Variants in COL6A6 observed in about 807,000 individuals in gnomAD.
The protein encoded by COL6A6 is collagen alpha-6(VI) chain.
A neutral mutation model predicts 208.6 loss-of-function variants in COL6A6; 183 were observed. That is an observed-to-expected ratio of 0.88 (90% CI 0.78 to 0.99). The LOEUF (loss-of-function observed/expected upper bound fraction) is 0.99, where lower values mean the gene tolerates loss of function less well. COL6A6 is among the 50% of genes least tolerant of loss of function. The probability of loss-of-function intolerance (pLI) is 0.00; values close to 1 mark genes in which losing one functional copy is unlikely to be tolerated. For missense variants in COL6A6, 2,816 were observed against 2,815.2 expected, an observed-to-expected ratio of 1.00 and a Z score of -0.01; for synonymous variants, 973 against 1,011.8, an observed-to-expected ratio of 0.96 and a Z score of 0.73.
chr3:130,539,289 A>G (rs1379734537), intron 1 of COL6A6, among the ~76,000 whole-genome samples: 1 of 152,216 alleles, frequency 6.6e-6, no homozygotes, highest in Non-Finnish European at 1.5e-5. Context: ...AACAACTAAG[A>G]AGTGTCAGCC....
At chr3:130,582,861 G>A (rs1332586523) in intron 10 of COL6A6, among the ~76,000 whole-genome samples, 1 of 152,088 alleles carries the variant, frequency 6.6e-6, no homozygotes, top group Admixed American at 6.5e-5. Flanking sequence ...CCCCATCCTT[G>A]GGCAGCAGAT....
intron 34 of COL6A6, among the ~76,000 whole-genome samples, chr3:130,661,284 G>C (rs1245164593): frequency 1.3e-5 from 2 of 152,202 alleles, no homozygotes; most frequent in Non-Finnish European, 2.9e-5. Flanking sequence ...AGAGGGATGA[G>C]TCACTGTTAT....
At chr3:130,551,634 T>G (rs1450475178) in intron 1 of COL6A6, among the ~76,000 whole-genome samples, 64 of 148,804 alleles carry the variant, frequency 4.3e-4, no homozygotes, top group Middle Eastern at 3.5e-3. Flanking sequence ...CTTTTGGGTT[T>G]TTTTTTTTTT....
rs750675203 is a variant in COL6A6 at position 130,661,678 on chromosome 3, C to T, written c.5872C>T (p.Pro1958Ser). 8 of 1,613,664 alleles carry T rather than the reference C, an allele frequency of 5.0e-6. No homozygotes were observed. The highest frequency in any genetic ancestry group is 4.0e-5 in the African/African-American group (3 of 74,924). Residue 1958 changes from proline to serine, a missense_variant, in exon 35 of 37, where the codon CCC (proline) becomes TCC (serine). Coordinates refer to ENST00000358511, the MANE Select transcript of COL6A6 (RefSeq NM_001102608.3). ...TGCTTCTTGTGACCAAGCCAGACCA[C>T]CCCCTGTGCAGTCTTACATGGATGC... ...PDASCDQARP[P>S]PVQSYMDAAF...
intron 31 of COL6A6, among the ~76,000 whole-genome samples, chr3:130,643,273 TTGATGTCTGAATTCACCTAATAG>T (rs2065371494): frequency 6.6e-6 from 1 of 152,224 alleles, no homozygotes; most frequent in African/African-American, 2.4e-5. Context: ...AAATTGAGAT[TTGATGTCTGAATTCACCTAATAG>T]TGAAATCAAT....
intron 2 of COL6A6, 76 bp downstream of exon 2, chr3:130,560,504 G>A: frequency 3.8e-6 from 5 of 1,314,550 alleles, no homozygotes; most frequent in Non-Finnish European, 5.3e-6. Context: ...CTATTTAAAA[G>A]TTACAAGTTT....
At chr3:130,616,344 A>G (rs939958044) in intron 23 of COL6A6, among the ~76,000 whole-genome samples, 1 of 152,156 alleles carries the variant, frequency 6.6e-6, no homozygotes, top group Non-Finnish European at 1.5e-5. Flanking sequence ...TCTGTTGACA[A>G]TGTTCTGAAG....
At chr3:130,525,921 G>A (rs968254859) in intron 1 of COL6A6, among the ~76,000 whole-genome samples, 14 of 152,092 alleles carry the variant, frequency 9.2e-5, no homozygotes, top group African/African-American at 2.7e-4. Flanking sequence ...GACTTTCCAA[G>A]TTAATCAGTT....
intron 1 of COL6A6, among the ~76,000 whole-genome samples, chr3:130,543,973 G>C (rs958690731): frequency 2.0e-5 from 3 of 152,012 alleles, no homozygotes; most frequent in Admixed American, 6.6e-5. Flanking sequence ...ATAGTAAAAC[G>C]ATCAGCCAAA....
At position 130,649,117 on chromosome 3, in the gene COL6A6, A is replaced by G; in HGVS notation, c.5288A>G (p.Asp1763Gly). The change falls in exon 33 of 37, where the codon GAC becomes GGC. Residue 1763 changes from aspartate to glycine, a missense_variant. Asp to Gly is a moderately conservative substitution (Grantham distance 94). Transcript: ENST00000358511. ...CCAACCGAGTTGGTGTTTGCCCTGG[A>G]CCACTCCCGGGATGTCACTGAGCAG... Reference protein sequence around the residue: ...VHPTELVFALDHSRDVTEQEF... With the variant: ...VHPTELVFALGHSRDVTEQEF... 6.3e-7 allele frequency: 1 copy of G among 1,578,158 alleles called. No homozygotes were observed. The highest frequency in any genetic ancestry group is 1.2e-5 in the South Asian group (1 of 85,848).
intron 36 of COL6A6, among the ~76,000 whole-genome samples, chr3:130,673,010 C>CAAAAAA (rs57517362): frequency 1.0e-5 from 1 of 96,340 alleles, no homozygotes; most frequent in African/African-American, 4.0e-5. Flanking sequence ...GACACCATCT[C>CAAAAAA]AAAAAAAAAA....
At chr3:130,577,924 T>C (rs2063334061) in intron 8 of COL6A6, among the ~76,000 whole-genome samples, 1 of 152,224 alleles carries the variant, frequency 6.6e-6, no homozygotes. Context: ...TACCAACAAT[T>C]CCTTAGTTTA....
At chr3:130,548,687 G>T (rs556447379) in intron 1 of COL6A6, among the ~76,000 whole-genome samples, 3 of 152,322 alleles carry the variant, frequency 2.0e-5, no homozygotes, top group Non-Finnish European at 4.4e-5. Context: ...GCACCAGGAG[G>T]TAAACTCACA....
intron 28 of COL6A6, among the ~76,000 whole-genome samples, chr3:130,641,240 A>G (rs2065300397): frequency 6.7e-6 from 1 of 148,710 alleles, no homozygotes; most frequent in South Asian, 2.1e-4. Flanking sequence ...AACAAACAGT[A>G]AGGGACTAAC....
At position 130,563,264 on chromosome 3, in the gene COL6A6, G is replaced by A; in HGVS notation, c.261G>A (p.Arg87=). The A allele has an allele frequency of 1.9e-6, 3 of 1,614,004 alleles. No homozygotes were observed. Among genetic ancestry groups the A allele is most frequent in the Non-Finnish European group, 1.7e-6 (2 of 1,179,882 alleles). ...SEFHLSTFKG[R]SPMLNHLRKN... ...TCCACCTGAGCACCTTCAAAGGCAG[G>A]AGCCCCATGCTGAACCACCTAAGGA... The change falls in exon 3 of 37, where the codon AGG becomes AGA. Residue 87 remains arginine, a synonymous_variant. Coordinates refer to ENST00000358511, the MANE Select transcript of COL6A6 (RefSeq NM_001102608.3).
At chr3:130,643,562 AT>A (rs1391731048) in intron 31 of COL6A6, among the ~76,000 whole-genome samples, 4 of 152,216 alleles carry the variant, frequency 2.6e-5, no homozygotes, top group Non-Finnish European at 4.4e-5. Context: ...CTTTCTCAAA[AT>A]TTTAAAATCA....
Position 130,586,617 on chromosome 3 carries a change from C to T in COL6A6, c.4082C>T (p.Ser1361Phe). ...GKGFEYRTQL[S>F]IGMRELGSRL... ...GGATTTGAGTACAGGACACAGCTCT[C>T]TATTGGCATGAGAGAACTTGGAAGC... The change falls in exon 11 of 37, where the codon TCT becomes TTT. Residue 1361 changes from serine (S) to phenylalanine (F), a missense_variant. Transcript: ENST00000358511. 6.2e-7 allele frequency: 1 copy of T among 1,613,598 alleles called. No homozygotes were observed. The highest frequency in any genetic ancestry group is 8.5e-7 in the Non-Finnish European group (1 of 1,179,792).
chr3:130,660,693 G>C (rs2065910500), intron 34 of COL6A6, among the ~76,000 whole-genome samples: 1 of 152,146 alleles, frequency 6.6e-6, no homozygotes, highest in Admixed American at 6.5e-5. Flanking sequence ...ACTTGGCTAG[G>C]GGCACACAGC....
chr3:130,671,535 T>C (rs2066215725), intron 36 of COL6A6, among the ~76,000 whole-genome samples: 1 of 152,146 alleles, frequency 6.6e-6, no homozygotes, highest in Non-Finnish European at 1.5e-5. Flanking sequence ...GATCAAAGAC[T>C]CTAATCAAAA....
Sources: allele counts gnomAD v4.1 joint callset (sites outside exome capture counted in the v4.1 genomes callset), GRCh38; gene constraint gnomAD v4.1.1; transcripts MANE v1.5; gene names NCBI Gene and HGNC (gene_info 2026-07-23, HGNC 2026-07-21).